Variants in LRP1B observed in about 807,000 individuals in gnomAD.
The protein encoded by LRP1B is low-density lipoprotein receptor-related protein 1B.
Under a neutral mutation model 556.6 loss-of-function variants are expected in LRP1B, and 217 were observed. The ratio of observed to expected loss-of-function variants is 0.39; its 90% CI spans 0.35 to 0.44. The LOEUF (loss-of-function observed/expected upper bound fraction) is 0.44. Among genes scored for constraint, LRP1B ranks in the 20% least tolerant of loss-of-function variants. The pLI is 1.00. For synonymous variants in LRP1B, 2,047 were observed against 1,865.8 expected, an observed-to-expected ratio of 1.10 and a Z score of -2.50; for missense variants, 5,053 against 5,620.8, an observed-to-expected ratio of 0.90 and a Z score of 3.23.
At chr2:140,745,129 T>C (rs1021094770) in intron 35 of LRP1B, among the ~76,000 whole-genome samples, 2 of 152,124 alleles carry the variant, frequency 1.3e-5, no homozygotes, top group East Asian at 1.9e-4. Context: ...CTGAGAAAAT[T>C]CTTGAAAACT....
intron 18 of LRP1B, among the ~76,000 whole-genome samples, chr2:140,976,490 CTTTTTTTTTTTCCTTTTTTTTTT>C (rs1414643353): frequency 1.7e-3 from 195 of 116,584 alleles, no homozygotes; most frequent in African/African-American, 5.9e-3. Context: ...ATTGAACTAT[CTTTTTTTTTTTCCTTTTTTTTTT>C]TTTTTTTTTT....
rs1405593149 is a variant in LRP1B, at chr2:141,467,102, GTATATATATATATATATATATCTA to G, written c.343+13270_343+13293del. 1.4e-3 allele frequency among the ~76,000 whole-genome samples: 114 copies of G among 84,374 alleles called. 1 individual carries two copies. The South Asian group carries it at 0.022, about 16-fold the overall frequency. The allele number at this position is 84,374 out of a possible 152,430, so 55.4% of individuals were successfully genotyped here. A position where few individuals can be genotyped will look rare whatever the true frequency, so the allele number is the denominator to read the frequency against. ...TACACACACACACACATATATATGT[GTATATATATATATATATATATCTA>G]TATATATATATATATATATATATAT... On this transcript the variant is annotated intron_variant, in intron 3 of 90. Coordinates refer to ENST00000389484, the MANE Select transcript of LRP1B (RefSeq NM_018557.3).
chr2:140,310,118 CTCTGCTT>C (rs1181312032), intron 83 of LRP1B, among the ~76,000 whole-genome samples: 3 of 151,812 alleles, frequency 2.0e-5, no homozygotes, highest in African/African-American at 2.4e-5. Flanking sequence ...TGGGCTCCTC[CTCTGCTT>C]TCTGCTCCCC....
In LRP1B at chr2:140,456,532, G is replaced by T; in HGVS notation, c.9886C>A (p.His3296Asn). The T allele has an allele frequency of 6.2e-7, 1 of 1,613,334 alleles. No individual in the cohort carries two copies. The highest frequency in any genetic ancestry group is 8.5e-7 in the Non-Finnish European group (1 of 1,179,526). ...HLCLLAPGKT[H>N]TCACPTNFYL... ...AAGTTAGTGGGACATGCACAAGTGT[G>T]GGTTTTTCCAGGGGCTAAAAGGCAC... The change falls in exon 62 of 91, where the codon CAC (histidine) becomes AAC (asparagine). Residue 3296 changes from histidine (H) to asparagine (N), a missense_variant. Around this residue, in one of 5 missense-constraint regions of LRP1B, gnomAD observed 262 missense variants for 395.1 expected, o/e 0.66. Coordinates refer to ENST00000389484, the MANE Select transcript of LRP1B (RefSeq NM_018557.3).
chr2:140,628,612 T>C (rs996454708), intron 41 of LRP1B, among the ~76,000 whole-genome samples: 1 of 149,312 alleles, frequency 6.7e-6, no homozygotes, highest in Non-Finnish European at 1.5e-5. Context: ...TACAAAAAAA[T>C]TAATGATATC....
intron 6 of LRP1B, among the ~76,000 whole-genome samples, chr2:141,211,691 C>T (rs1424174046): frequency 6.6e-6 from 1 of 152,110 alleles, no homozygotes; most frequent in Non-Finnish European, 1.5e-5. Context: ...TAAATCAGAA[C>T]AGGTTACTTC....
At chr2:141,627,397 A>G (rs1180336653) in intron 2 of LRP1B, among the ~76,000 whole-genome samples, 1 of 152,138 alleles carries the variant, frequency 6.6e-6, no homozygotes. Flanking sequence ...CACCTATACA[A>G]TGTATAGTAT....
At chr2:140,620,196 A>G (rs1365241443) in intron 41 of LRP1B, among the ~76,000 whole-genome samples, 1 of 152,234 alleles carries the variant, frequency 6.6e-6, no homozygotes, top group African/African-American at 2.4e-5. Flanking sequence ...TTAGCCTGTC[A>G]CAATAACAGT....
chr2:141,486,621 A>G lies in LRP1B; in HGVS notation c.206-6088T>C. 1.3e-5 allele frequency among the ~76,000 whole-genome samples: 2 copies of G among 152,036 alleles called. 1 individual carries two copies. The highest frequency in any genetic ancestry group is 3.9e-4 in the East Asian group (2 of 5,192). ...AGCTAACCTCTCTACCTTACACGGT[A>G]TTATATCCCACCTTTTGGGTCTTGT... On this transcript the variant is annotated intron_variant, in intron 2 of 90. Coordinates refer to ENST00000389484, the MANE Select transcript of LRP1B (RefSeq NM_018557.3).
chr2:140,885,479 C>G (rs1052579974), intron 24 of LRP1B, among the ~76,000 whole-genome samples: 1 of 151,540 alleles, frequency 6.6e-6, no homozygotes, highest in African/African-American at 2.4e-5. Flanking sequence ...GCCTCCCGAG[C>G]AGCTGGGAAT....
chr2:141,877,367 C>G (rs1020648998), intron 1 of LRP1B, among the ~76,000 whole-genome samples: 5 of 151,900 alleles, frequency 3.3e-5, no homozygotes, highest in Non-Finnish European at 7.4e-5. Flanking sequence ...CCAACCATGA[C>G]TGCATCTATA....
chr2:141,297,924 G>A (rs1284701884), intron 3 of LRP1B, among the ~76,000 whole-genome samples: 2 of 152,124 alleles, frequency 1.3e-5, no homozygotes, highest in Admixed American at 1.3e-4. Flanking sequence ...ATATAGCCTA[G>A]TTATATAGCA....
At chr2:141,564,515 G>A (rs972729227) in intron 2 of LRP1B, among the ~76,000 whole-genome samples, 24 of 152,180 alleles carry the variant, frequency 1.6e-4, no homozygotes, top group Admixed American at 4.6e-4. Flanking sequence ...GAAATTATTC[G>A]AATTTGAATC....
intron 1 of LRP1B, among the ~76,000 whole-genome samples, chr2:141,987,441 T>G (rs1702225661): frequency 6.6e-6 from 1 of 151,950 alleles, no homozygotes; most frequent in African/African-American, 2.4e-5. Flanking sequence ...CCCTGTTCCT[T>G]CCCACTGCAT....
At chr2:140,998,562 T>C (rs959418740) in intron 15 of LRP1B, among the ~76,000 whole-genome samples, 12 of 152,110 alleles carry the variant, frequency 7.9e-5, no homozygotes, top group Middle Eastern at 6.8e-3. Flanking sequence ...CATTTCTAGT[T>C]GTGAGAGGAT....
intron 43 of LRP1B, among the ~76,000 whole-genome samples, chr2:140,595,613 A>G (rs1440766904): frequency 1.3e-5 from 2 of 152,128 alleles, no homozygotes; most frequent in African/African-American, 4.8e-5. Context: ...TTTCCACAAA[A>G]TTAGAGAACA....
chr2:140,970,144 T>A (rs563089036), intron 18 of LRP1B, among the ~76,000 whole-genome samples: 1 of 152,320 alleles, frequency 6.6e-6, no homozygotes, highest in African/African-American at 2.4e-5. Flanking sequence ...ATTCTCCCTG[T>A]CACTTTCAGG....
chr2:141,708,941 G>T (rs1300730253), intron 2 of LRP1B, among the ~76,000 whole-genome samples: 2 of 152,132 alleles, frequency 1.3e-5, no homozygotes. Context: ...CCCTAGACTT[G>T]TGAGAGAATA....
At chr2:141,194,011 T>G (rs576275858) in intron 6 of LRP1B, among the ~76,000 whole-genome samples, 2 of 152,136 alleles carry the variant, frequency 1.3e-5, no homozygotes, top group African/African-American at 4.8e-5. Context: ...ATGCAAATGA[T>G]TTCCATCAGG....
Sources: gnomAD v4.1 joint callset for allele counts (sites outside exome capture counted in the v4.1 genomes callset) on GRCh38, gnomAD v4.1.1 for gene constraint, gnomAD v4.1.1 regional missense constraint, MANE v1.5 for transcripts, NCBI Gene and HGNC (gene_info 2026-07-23, HGNC 2026-07-21) for gene names.